Variants in SETBP1 observed in about 807,000 individuals in gnomAD.
The protein encoded by SETBP1 is SET-binding protein.
In SETBP1, 9 loss-of-function variants were observed where a neutral mutation model predicts 101.0. That is an observed-to-expected ratio of 0.09 (90% confidence interval 0.05 to 0.16). SETBP1 has a LOEUF of 0.16. Ranked by LOEUF, SETBP1 falls within the 10% of genes least tolerant of loss-of-function variation. SETBP1 has a pLI of 1.00. For missense variants in SETBP1, 1,858 were observed against 2,033.8 expected (o/e 0.91, Z 1.66); for synonymous variants, 818 against 788.5 (o/e 1.04, Z -0.63).
At chr18:44,884,951 A>C (rs2144753471) in intron 3 of SETBP1, among the ~76,000 whole-genome samples, 1 of 152,324 alleles carries the variant, frequency 6.6e-6, no homozygotes, top group East Asian at 1.9e-4. Context: ...TTGGAAAATT[A>C]AAATTAAAGA....
intron 2 of SETBP1, among the ~76,000 whole-genome samples, chr18:44,738,057 G>T (rs1016802134): frequency 1.3e-5 from 2 of 152,176 alleles, no homozygotes; most frequent in African/African-American, 4.8e-5. Context: ...GATCCACATG[G>T]TCACATGCTC....
intron 4 of SETBP1, among the ~76,000 whole-genome samples, chr18:45,018,790 T>C (rs975795611): frequency 1.3e-4 from 20 of 152,190 alleles, no homozygotes; most frequent in Non-Finnish European, 1.5e-5. Context: ...CGAAATGTCA[T>C]GTGGCTAAGT....
At chr18:44,692,545 C>G (rs897131038) in intron 1 of SETBP1, among the ~76,000 whole-genome samples, 1 of 152,174 alleles carries the variant, frequency 6.6e-6, no homozygotes, top group African/African-American at 2.4e-5. Flanking sequence ...TAAAATATAG[C>G]CCTTGTCCTC....
At chr18:44,694,805 T>G (rs998976534) in intron 1 of SETBP1, among the ~76,000 whole-genome samples, 1 of 152,032 alleles carries the variant, frequency 6.6e-6, no homozygotes, top group African/African-American at 2.4e-5. Context: ...AAGAAACACT[T>G]AAAACAAGGT....
chr18:44,764,388 C>G (rs2070722252), intron 2 of SETBP1, among the ~76,000 whole-genome samples: 1 of 152,346 alleles, frequency 6.6e-6, no homozygotes, highest in East Asian at 1.9e-4. Context: ...GATCTCTCCC[C>G]TTCTAACTAC....
intron 3 of SETBP1, among the ~76,000 whole-genome samples, chr18:44,934,604 C>G (rs1407743323): frequency 1.3e-5 from 2 of 152,178 alleles, no homozygotes; most frequent in African/African-American, 2.4e-5. Context: ...TAGTGTAACC[C>G]TGACCAGGCA....
intron 2 of SETBP1, among the ~76,000 whole-genome samples, chr18:44,751,094 A>G (rs1328127557): frequency 2.0e-5 from 3 of 152,206 alleles, no homozygotes; most frequent in East Asian, 1.9e-4. Context: ...AGCACTTACT[A>G]TCTCCTGCAG....
chr18:44,712,644 C>T (rs1458040150), intron 2 of SETBP1, among the ~76,000 whole-genome samples: 2 of 152,106 alleles, frequency 1.3e-5, no homozygotes, highest in Admixed American at 1.3e-4. Flanking sequence ...CCTGAACTAA[C>T]CCAGTCTTCC....
intron 2 of SETBP1, among the ~76,000 whole-genome samples, chr18:44,770,011 T>C (rs1261060901): frequency 6.6e-6 from 1 of 152,246 alleles, no homozygotes; most frequent in Non-Finnish European, 1.5e-5. Flanking sequence ...CCCTGACTCC[T>C]AGTGGATCCT....
chr18:44,863,643 GAA>G (rs1024172145), intron 2 of SETBP1, among the ~76,000 whole-genome samples: 2 of 152,146 alleles, frequency 1.3e-5, no homozygotes, highest in African/African-American at 4.8e-5. Flanking sequence ...AGGGCAGATT[GAA>G]AAGAGGAGAG....
chr18:45,002,999 T>C (rs938654206), intron 4 of SETBP1, among the ~76,000 whole-genome samples: 11 of 152,168 alleles, frequency 7.2e-5, no homozygotes, highest in Non-Finnish European at 1.6e-4. Flanking sequence ...ATTAGATTGA[T>C]CCATTTAAGA....
chr18:44,713,072 C>A (rs906119967), intron 2 of SETBP1, among the ~76,000 whole-genome samples: 1 of 151,500 alleles, frequency 6.6e-6, no homozygotes, highest in Non-Finnish European at 1.5e-5. Context: ...CATTCTCCTG[C>A]CTCAGCCTCC....
intron 5 of SETBP1, among the ~76,000 whole-genome samples, chr18:45,051,157 T>G (rs1481823675): frequency 6.6e-6 from 1 of 152,164 alleles, no homozygotes. Flanking sequence ...TTGGATTTGT[T>G]TACACTAACT....
chr18:45,038,600 T>C lies in SETBP1; in HGVS notation c.4116T>C (p.Ile1372=). 1 of 1,614,164 alleles carries C rather than the reference T, an allele frequency of 6.2e-7. No individual in the cohort carries two copies. Among genetic ancestry groups the C allele is most frequent in the Non-Finnish European group, 8.5e-7 (1 of 1,180,028 alleles). The part of the protein sequence containing the change: ...KKPAAVDSVT[I]PPAPVLSLLA... ...CAGCCGCAGTTGACAGTGTTACAAT[T>C]CCACCAGCCCCAGTGTTATCTCTCC... is the stretch of plus-strand genomic sequence containing the variant. The change falls in exon 5 of 6, where the codon ATT becomes ATC. Residue 1372 remains isoleucine, a synonymous_variant. Transcript: ENST00000649279.
intron 2 of SETBP1, among the ~76,000 whole-genome samples, chr18:44,800,853 C>T (rs62090590): frequency 0.068 from 10,407 of 152,104 alleles, 413 homozygotes; most frequent in East Asian, 0.14. Flanking sequence ...CGGCACTATT[C>T]GCCAATAGCA....
chr18:44,892,003 A>AG (rs2069783159), intron 3 of SETBP1, among the ~76,000 whole-genome samples: 2 of 152,262 alleles, frequency 1.3e-5, no homozygotes, highest in South Asian at 4.1e-4. Flanking sequence ...TCAAAAGTTG[A>AG]GGGGAGGAGA....
chr18:44,701,612 A>G lies in SETBP1; in HGVS notation c.266A>G (p.Gln89Arg). Residue 89 changes from glutamine (Q) to arginine (R), a missense_variant, in exon 2 of 6, where the codon CAG becomes CGG. Gln to Arg is a conservative substitution (Grantham distance 43, BLOSUM62 1). Transcript: ENST00000649279. ...KWVAGDGLEEQEFSIKEANFT... is the reference protein window; with the variant it reads ...KWVAGDGLEEREFSIKEANFT... ...GTGGCAGGAGATGGTTTGGAAGAGC[A>G]GGAATTTTCTATCAAGGAGGCAAAC... 1 of 1,614,200 alleles carries G rather than the reference A, an allele frequency of 6.2e-7. No homozygotes were observed. The highest frequency in any genetic ancestry group is 8.5e-7 in the Non-Finnish European group (1 of 1,180,046).
At chr18:44,825,532 T>A (rs1376962990) in intron 2 of SETBP1, among the ~76,000 whole-genome samples, 6 of 152,246 alleles carry the variant, frequency 3.9e-5, no homozygotes, top group Non-Finnish European at 7.3e-5. Context: ...GCTTTCAAAC[T>A]GCCCCTCTTG....
At chr18:44,849,111 T>C (rs1257682080) in intron 2 of SETBP1, among the ~76,000 whole-genome samples, 1 of 152,218 alleles carries the variant, frequency 6.6e-6, no homozygotes, top group Non-Finnish European at 1.5e-5. Flanking sequence ...ACTGACTGGA[T>C]GTCTGTGCCA....
Sources: allele counts gnomAD v4.1 joint callset (sites outside exome capture counted in the v4.1 genomes callset), GRCh38; gene constraint gnomAD v4.1.1; transcripts MANE v1.5; gene names NCBI Gene and HGNC (gene_info 2026-07-23, HGNC 2026-07-21).